Variants in NEMP2 observed in about 807,000 individuals in gnomAD.
NEMP2 encodes nuclear envelope integral membrane protein 2, also known as UPF0571 transmembrane protein.
In NEMP2, 53 loss-of-function variants were observed where a neutral mutation model predicts 54.2. That is an observed-to-expected ratio of 0.98 (90% CI 0.78 to 1.23). The LOEUF is 1.23. NEMP2 is among the 50% of genes most tolerant of loss of function. The pLI is 0.00. For missense variants in NEMP2, 455 were observed against 511.3 expected (o/e 0.89, Z 1.06); for synonymous variants, 197 against 190.3 (o/e 1.04, Z -0.29).
At chr2:190,585,631 A>G in the NEMP2 span, among the ~76,000 whole-genome samples, 1 of 152,162 alleles carries the variant, frequency 6.6e-6, no homozygotes, top group African/African-American at 2.4e-5. The surrounding 1 kb of genome is among the most constrained non-coding windows in gnomAD (Gnocchi z 5.3). Context: ...GCCAGGCCTC[A>G]CCATAGAGGT....
Position 190,532,639 on chromosome 2 carries a change from A to T in NEMP2, c.97+1920T>A, listed in dbSNP as rs577530498. ...GGTCTGAATGTTCTCCATTCCATTG[A>T]AGTGTGTGTTATTCAAGACAAAATT... On this transcript the variant is annotated intron_variant, in intron 1 of 8. Transcript: ENST00000409150. Among the ~76,000 whole-genome samples, 11 of 152,326 alleles carry T rather than the reference A, an allele frequency of 7.2e-5. No homozygotes were observed. The South Asian group carries it at 2.3e-3, about 32-fold the overall frequency.
At chr2:190,589,407 G>A in the NEMP2 span, among the ~76,000 whole-genome samples, 7 of 152,124 alleles carry the variant, frequency 4.6e-5, no homozygotes, top group South Asian at 1.4e-3. The surrounding 1 kb of genome is among the most constrained non-coding windows in gnomAD (Gnocchi z 4.3). Context: ...AAGTGGGGAA[G>A]GACCCAATAA....
chr2:190,644,335 A>G, the NEMP2 span, among the ~76,000 whole-genome samples: 1 of 152,206 alleles, frequency 6.6e-6, no homozygotes, highest in Non-Finnish European at 1.5e-5. This position sits in a 1 kb window ranked among gnomAD's most constrained non-coding sequence, Gnocchi z 4.4. Context: ...TCCATCTCGA[A>G]TCATCTCAGC....
At chr2:190,483,586 C>T in the NEMP2 span, among the ~76,000 whole-genome samples, 2 of 152,046 alleles carry the variant, frequency 1.3e-5, no homozygotes, top group Non-Finnish European at 2.9e-5. Context: ...CCCGTAATCC[C>T]AGCACTTTGA....
At chr2:190,572,873 A>ATATATATG in the NEMP2 span, among the ~76,000 whole-genome samples, 1,118 of 109,636 alleles carry the variant, frequency 0.01, 16 homozygotes, top group Non-Finnish European at 0.013. Context: ...ATATATATAT[A>ATATATATG]TATGTATATA....
chr2:190,568,052 G>T, the NEMP2 span: 1 of 152,216 alleles, frequency 6.6e-6, no homozygotes, highest in Admixed American at 6.5e-5. The surrounding 1 kb of genome is among the most constrained non-coding windows in gnomAD (Gnocchi z 4.7). Flanking sequence ...GAAAACTTAT[G>T]TCTCATGTAT....
At chr2:190,627,922 C>G in the NEMP2 span, 1 of 152,278 alleles carries the variant, frequency 6.6e-6, no homozygotes, top group African/African-American at 2.4e-5. This position sits in a 1 kb window ranked among gnomAD's most constrained non-coding sequence, Gnocchi z 4.4. Flanking sequence ...GCGCAACAGA[C>G]TGCATCGCGC....
At chr2:190,473,807 A>G in the NEMP2 span, among the ~76,000 whole-genome samples, 1 of 152,186 alleles carries the variant, frequency 6.6e-6, no homozygotes, top group Non-Finnish European at 1.5e-5. Flanking sequence ...TTGACCACAT[A>G]GTTGGAAGTA....
At chr2:190,562,871 T>C in the NEMP2 span, among the ~76,000 whole-genome samples, 1 of 152,202 alleles carries the variant, frequency 6.6e-6, no homozygotes, top group South Asian at 2.1e-4. This position sits in a 1 kb window ranked among gnomAD's most constrained non-coding sequence, Gnocchi z 5.0. Context: ...TTTCAACTCA[T>C]TCCCCTGCTC....
chr2:190,534,511 G>C, intron 1 of NEMP2, 48 bp downstream of exon 1: 2 of 1,356,462 alleles, frequency 1.5e-6, no homozygotes, highest in Non-Finnish European at 1.9e-6. Context: ...CCGCGAAGCC[G>C]GGGAGCGAGC....
chr2:190,485,185 G>A, the NEMP2 span, among the ~76,000 whole-genome samples: 26 of 152,286 alleles, frequency 1.7e-4, no homozygotes, highest in African/African-American at 6.3e-4. The surrounding 1 kb of genome is among the most constrained non-coding windows in gnomAD (Gnocchi z 5.1). Context: ...TTTCTGAGAG[G>A]GGGAAAATAG....
At chr2:190,581,516 C>T in the NEMP2 span, among the ~76,000 whole-genome samples, 1 of 152,090 alleles carries the variant, frequency 6.6e-6, no homozygotes, top group Non-Finnish European at 1.5e-5. Flanking sequence ...CTGTTAGTAC[C>T]AGTGACAGAA....
the NEMP2 span, among the ~76,000 whole-genome samples, chr2:190,485,408 A>G: frequency 6.6e-6 from 1 of 152,184 alleles, no homozygotes; most frequent in Non-Finnish European, 1.5e-5. This position sits in a 1 kb window ranked among gnomAD's most constrained non-coding sequence, Gnocchi z 5.1. Context: ...ATGTGTTTTC[A>G]GGTTTTCGGT....
chr2:190,620,147 C>T, the NEMP2 span, among the ~76,000 whole-genome samples: 1 of 152,210 alleles, frequency 6.6e-6, no homozygotes, highest in East Asian at 1.9e-4. This position sits in a 1 kb window ranked among gnomAD's most constrained non-coding sequence, Gnocchi z 4.9. Context: ...GTCTTCTCTT[C>T]TTAGAAGTTT....
chr2:190,549,227 A>G, the NEMP2 span, among the ~76,000 whole-genome samples: 2 of 152,214 alleles, frequency 1.3e-5, no homozygotes, highest in African/African-American at 4.8e-5. Flanking sequence ...TATCCCTTTC[A>G]GTGAGGCTAT....
At chr2:190,437,557 A>G in the NEMP2 span, 1 of 1,612,686 alleles carries the variant, frequency 6.2e-7, no homozygotes, top group Non-Finnish European at 8.5e-7. This position sits in a 1 kb window ranked among gnomAD's most constrained non-coding sequence, Gnocchi z 5.9. Flanking sequence ...GATCGGCCAC[A>G]TCAGGTAAGA....
At chr2:190,443,584 T>G in the NEMP2 span, among the ~76,000 whole-genome samples, 1 of 152,258 alleles carries the variant, frequency 6.6e-6, no homozygotes. This position sits in a 1 kb window ranked among gnomAD's most constrained non-coding sequence, Gnocchi z 4.2. Context: ...TGTTTATGAT[T>G]TTCAAAATAA....
upstream of NEMP2, among the ~76,000 whole-genome samples, chr2:190,536,415 T>C (rs920671811): frequency 6.6e-6 from 1 of 152,012 alleles, no homozygotes; most frequent in African/African-American, 2.4e-5. Flanking sequence ...CCTGAACCAA[T>C]AGAAAATTGA....
chr2:190,574,478 A>G, the NEMP2 span, among the ~76,000 whole-genome samples: 1 of 152,208 alleles, frequency 6.6e-6, no homozygotes, highest in Non-Finnish European at 1.5e-5. Flanking sequence ...GATATAATTC[A>G]TATACCATAT....
Sources: gnomAD v4.1 joint callset for allele counts (sites outside exome capture counted in the v4.1 genomes callset) on GRCh38, gnomAD v4.1.1 for gene constraint, Gnocchi (gnomAD v3.1) non-coding constraint, MANE v1.5 for transcripts, NCBI Gene and HGNC (gene_info 2026-07-23, HGNC 2026-07-21) for gene names.